The following GABRB2 variants were observed in gnomAD, a reference collection of about 807,000 sequenced individuals.
The protein encoded by GABRB2 is gamma-aminobutyric acid receptor subunit beta-2.
In GABRB2, 16 loss-of-function variants were observed where a neutral mutation model predicts 54.7. The ratio of observed to expected loss-of-function variants is 0.29; its 90% CI spans 0.20 to 0.44. GABRB2 has a LOEUF of 0.44. Among genes scored for constraint, GABRB2 ranks in the 20% least tolerant of loss-of-function variants. The probability of loss-of-function intolerance (pLI) is 1.00; values close to 1 mark genes in which losing one functional copy is unlikely to be tolerated. For synonymous variants in GABRB2, 244 were observed against 233.8 expected, an observed-to-expected ratio of 1.04 and a Z score of -0.40; for missense variants, 355 against 644.0, an observed-to-expected ratio of 0.55 and a Z score of 4.86.
At position 161,481,563 on chromosome 5, in the gene GABRB2, T is replaced by A. The variant is rs373561987; in HGVS notation, c.238-21719A>T. Reference sequence around the variant, plus strand: ...CAAATATCACTTAGAATAGCCCTATTTTGTGAATAATTTTTCTGCAAAGAG... The same window carrying A: ...CAAATATCACTTAGAATAGCCCTATATTGTGAATAATTTTTCTGCAAAGAG... On this transcript the variant is annotated intron_variant, in intron 3 of 9. Coordinates refer to ENST00000393959, the MANE Select transcript of GABRB2 (RefSeq NM_001371727.1). Among the ~76,000 whole-genome samples the A allele has an allele frequency of 2.3e-4, 35 of 152,152 alleles. 1 individual carries two copies. The South Asian group carries it at 6.4e-3, about 28-fold the overall frequency.
At chr5:161,431,482 C>G (rs1757170068) in intron 4 of GABRB2, among the ~76,000 whole-genome samples, 2 of 152,116 alleles carry the variant, frequency 1.3e-5, no homozygotes, top group African/African-American at 4.8e-5. Context: ...CAACTTATAA[C>G]AGGTCAAATT....
chr5:161,367,609 A>G (rs1755007700), intron 5 of GABRB2, among the ~76,000 whole-genome samples: 1 of 152,042 alleles, frequency 6.6e-6, no homozygotes, highest in Non-Finnish European at 1.5e-5. Flanking sequence ...TTCCCCTCCA[A>G]ATTTTCTAAC....
At chr5:161,451,564 A>G (rs1757787756) in intron 4 of GABRB2, among the ~76,000 whole-genome samples, 1 of 152,222 alleles carries the variant, frequency 6.6e-6, no homozygotes, top group Admixed American at 6.5e-5. Flanking sequence ...CATTAAAATA[A>G]GAAGTAAATT....
rs1757266551 is a variant in GABRB2, at chr5:161,292,548, A to C, written c.*1533T>G. 1 of 152,200 alleles carries C rather than the reference A, an allele frequency of 6.6e-6. No homozygotes were observed. The highest frequency in any genetic ancestry group is 6.5e-5 in the Admixed American group (1 of 15,280). The allele number at this position is 152,200 out of a possible 1,614,324, so 9.4% of individuals were successfully genotyped here. A position where few individuals can be genotyped will look rare whatever the true frequency, so the allele number is the denominator to read the frequency against. On this transcript the variant is annotated 3_prime_UTR_variant, in exon 10 of 10. Transcript: ENST00000393959. ...ACAATGGCATAACTTAAAAATAGAA[A>C]AAAAATACATCATGCCTGCCTGATT...
chr5:161,310,312 A>AAATTT (rs1260871057), intron 9 of GABRB2, among the ~76,000 whole-genome samples: 2 of 152,200 alleles, frequency 1.3e-5, no homozygotes, highest in African/African-American at 4.8e-5. Context: ...TGAACTTAAA[A>AAATTT]TAGAAGTTAA....
At chr5:161,455,760 T>TG (rs1261658514) in intron 4 of GABRB2, among the ~76,000 whole-genome samples, 8 of 152,018 alleles carry the variant, frequency 5.3e-5, no homozygotes, top group African/African-American at 1.7e-4. Context: ...CCTGAACTCC[T>TG]GAGGTCAAGC....
chr5:161,374,907 AGG>A (rs1755244296), intron 5 of GABRB2, among the ~76,000 whole-genome samples: 1 of 152,198 alleles, frequency 6.6e-6, no homozygotes, highest in Admixed American at 6.5e-5. Context: ...TGCTGAGGAC[AGG>A]GCTCATGGTG....
intron 2 of GABRB2, 134 bp from the exon 3 acceptor site, chr5:161,545,428 T>G (rs1021221042): frequency 7.5e-6 from 3 of 401,354 alleles, no homozygotes; most frequent in Non-Finnish European, 8.2e-6. Flanking sequence ...AATTCTCTGC[T>G]TTTTTTGTTA....
intron 4 of GABRB2, among the ~76,000 whole-genome samples, chr5:161,436,036 T>C (rs1210066055): frequency 1.3e-5 from 2 of 152,198 alleles, no homozygotes; most frequent in African/African-American, 4.8e-5. Context: ...AGAGTAACTG[T>C]TATAATTTCA....
At chr5:161,517,682 G>A (rs747048863) in intron 3 of GABRB2, among the ~76,000 whole-genome samples, 7 of 152,180 alleles carry the variant, frequency 4.6e-5, no homozygotes, top group South Asian at 2.1e-4. Flanking sequence ...AGGTGTCATA[G>A]TAATTCCCAG....
intron 3 of GABRB2, among the ~76,000 whole-genome samples, chr5:161,465,733 T>C (rs1458709350): frequency 6.6e-6 from 1 of 152,100 alleles, no homozygotes; most frequent in Non-Finnish European, 1.5e-5. Flanking sequence ...TATTTAAATA[T>C]ACACAATACA....
intron 9 of GABRB2, among the ~76,000 whole-genome samples, chr5:161,303,455 C>T (rs558840758): frequency 6.6e-6 from 1 of 152,152 alleles, no homozygotes; most frequent in South Asian, 2.1e-4. Context: ...GATCGGGGAC[C>T]TATGTCATCT....
intron 3 of GABRB2, among the ~76,000 whole-genome samples, chr5:161,497,777 G>A (rs1759302446): frequency 6.6e-6 from 1 of 152,100 alleles, no homozygotes; most frequent in African/African-American, 2.4e-5. Context: ...GAGTGGTAAA[G>A]GAGACAGAGA....
intron 4 of GABRB2, among the ~76,000 whole-genome samples, chr5:161,451,104 A>T (rs1757778000): frequency 6.6e-6 from 1 of 152,192 alleles, no homozygotes; most frequent in African/African-American, 2.4e-5. Context: ...CCTGTGGTAA[A>T]ACTTTCAGAG....
intron 5 of GABRB2, among the ~76,000 whole-genome samples, chr5:161,343,812 C>T (rs1366271919): frequency 6.6e-6 from 1 of 152,066 alleles, no homozygotes; most frequent in Non-Finnish European, 1.5e-5. Context: ...TTCATCTAAC[C>T]TTGATTTGTC....
At chr5:161,387,698 TC>T (rs1212543473) in intron 5 of GABRB2, among the ~76,000 whole-genome samples, 1 of 152,188 alleles carries the variant, frequency 6.6e-6, no homozygotes, top group East Asian at 1.9e-4. Flanking sequence ...CAAACTGTTT[TC>T]TTTAGGGAAG....
chr5:161,521,156 C>T (rs1353862820), intron 3 of GABRB2, among the ~76,000 whole-genome samples: 1 of 151,960 alleles, frequency 6.6e-6, no homozygotes, highest in Non-Finnish European at 1.5e-5. Flanking sequence ...TGGTGCTTGG[C>T]AAGTCCTAGC....
chr5:161,499,955 A>G (rs1041609426), intron 3 of GABRB2, among the ~76,000 whole-genome samples: 1 of 152,184 alleles, frequency 6.6e-6, no homozygotes, highest in Non-Finnish European at 1.5e-5. Flanking sequence ...ACTGGCTAGG[A>G]GAGCAATGAA....
intron 4 of GABRB2, among the ~76,000 whole-genome samples, chr5:161,426,474 T>G (rs1359309698): frequency 6.6e-6 from 1 of 151,832 alleles, no homozygotes; most frequent in Non-Finnish European, 1.5e-5. Flanking sequence ...ACAAAAATCA[T>G]CTAGAAGACA....
Sources: allele counts gnomAD v4.1 joint callset (sites outside exome capture counted in the v4.1 genomes callset), GRCh38; gene constraint gnomAD v4.1.1; transcripts MANE v1.5; gene names NCBI Gene and HGNC (gene_info 2026-07-23, HGNC 2026-07-21).